The following CFAP161 variants were observed in gnomAD, a reference collection of about 807,000 sequenced individuals.
CFAP161 encodes cilia- and flagella-associated protein 161.
Under a neutral mutation model 29.0 loss-of-function variants are expected in CFAP161, and 25 were observed. The observed-to-expected ratio is 0.86, with a 90% CI of 0.63 to 1.20. CFAP161 has a LOEUF of 1.20. Ranked by LOEUF, CFAP161 falls within the 50% of genes most tolerant of loss-of-function variation. The pLI is 0.00. For synonymous variants in CFAP161, 116 were observed against 137.4 expected, an observed-to-expected ratio of 0.84 and a Z score of 1.09; for missense variants, 367 against 371.9, an observed-to-expected ratio of 0.99 and a Z score of 0.11.
At chr15:81,141,688 CT>C (rs111423310) in intron 4 of CFAP161, among the ~76,000 whole-genome samples, 2,766 of 139,842 alleles carry the variant, frequency 0.02, 51 homozygotes, top group African/African-American at 0.057. Context: ...TAGTATTTGC[CT>C]TTTTTTTTTT....
At chr15:81,123,638 C>T (rs770690851) in intron 1 of CFAP161, among the ~76,000 whole-genome samples, 24 of 152,158 alleles carry the variant, frequency 1.6e-4, no homozygotes, top group Non-Finnish European at 3.4e-4. Context: ...GCAGTATGGC[C>T]ATTTTGATGA....
rs759629889 is a variant in CFAP161 at position 81,138,047 on chromosome 15, A to G, written c.393-4A>G. ...TTTACATTATACTTATTGTCCACTG[A>G]CAGTGTACACAGAGATGCCACTGGT... is the stretch of plus-strand genomic sequence containing the variant. On this transcript the variant is annotated splice_region_variant and splice_polypyrimidine_tract_variant and intron_variant, in intron 3 of 6. Transcript: ENST00000286732. The G allele has an allele frequency of 6.9e-6, 11 of 1,586,620 alleles. No individual in the cohort carries two copies. In the South Asian group the frequency reaches 1.0e-4, roughly 14 times the overall value.
chr15:81,128,552 T>C (rs1220597102), intron 2 of CFAP161, among the ~76,000 whole-genome samples: 1 of 152,228 alleles, frequency 6.6e-6, no homozygotes, highest in African/African-American at 2.4e-5. Context: ...GGCTCCATTT[T>C]TAATTCTAGT....
chr15:81,145,533 G>GT (rs1567160822), intron 5 of CFAP161, among the ~76,000 whole-genome samples: 1 of 152,116 alleles, frequency 6.6e-6, no homozygotes, highest in African/African-American at 2.4e-5. Context: ...ATTGTTGCTG[G>GT]TTTTTTTAAG....
chr15:81,120,770 A>AG (rs1567153319), intron 1 of CFAP161, among the ~76,000 whole-genome samples: 1 of 152,032 alleles, frequency 6.6e-6, no homozygotes, highest in African/African-American at 2.4e-5. Flanking sequence ...ACTTATATAA[A>AG]TCTGAGAAGT....
intron 5 of CFAP161, among the ~76,000 whole-genome samples, chr15:81,144,801 A>G: frequency 6.7e-6 from 1 of 149,178 alleles, no homozygotes; most frequent in Non-Finnish European, 1.5e-5. Context: ...AAAAAAAAAG[A>G]AAGAAAAAGA....
upstream of CFAP161, chr15:81,134,155 C>T (rs1894764563): frequency 4.6e-6 from 3 of 653,698 alleles, no homozygotes; most frequent in Non-Finnish European, 7.7e-6. Flanking sequence ...GGGCCACAGA[C>T]AGCCGCTGAC....
At chr15:81,103,015 T>G (rs1292579626) in intron 1 of CFAP161, among the ~76,000 whole-genome samples, 1 of 152,062 alleles carries the variant, frequency 6.6e-6, no homozygotes, top group East Asian at 1.9e-4. Flanking sequence ...AGACCAAATA[T>G]CTTAGCCTCA....
At chr15:81,140,045 G>A (rs760118751) in intron 4 of CFAP161, among the ~76,000 whole-genome samples, 1 of 151,058 alleles carries the variant, frequency 6.6e-6, no homozygotes, top group Non-Finnish European at 1.5e-5. Flanking sequence ...TTTCTCTCTC[G>A]CTTCTTTTTT....
chr15:81,105,106 CT>C (rs1170585682), intron 1 of CFAP161, among the ~76,000 whole-genome samples: 7 of 68,898 alleles, frequency 1.0e-4, no homozygotes, highest in South Asian at 7.0e-4. Flanking sequence ...CCCTCCCTCC[CT>C]TCCTTTCTCC....
chr15:81,105,869 T>A (rs11855076), intron 1 of CFAP161, among the ~76,000 whole-genome samples: 13,631 of 151,936 alleles, frequency 0.09, 1,707 homozygotes, highest in African/African-American at 0.29. Context: ...GTCCCAGGAG[T>A]GTGAAAAAGA....
intron 1 of CFAP161, chr15:81,118,422 C>T: frequency 4.8e-6 from 1 of 209,518 alleles, no homozygotes; most frequent in South Asian, 8.1e-5. Context: ...CACAAGTTCG[C>T]GGCTTGTTAA....
chr15:81,135,546 C>T (rs1411575429), intron 2 of CFAP161, among the ~76,000 whole-genome samples, 187 bp downstream of exon 2: 6 of 134,498 alleles, frequency 4.5e-5, no homozygotes, highest in East Asian at 4.8e-4. Context: ...CCCCAGTGTG[C>T]GATGTTCCCC....
Position 81,148,455 on chromosome 15 carries a change from C to T in CFAP161, c.828C>T (p.Ser276=), listed in dbSNP as rs763485621. The change falls in exon 7 of 7, where the codon TCC becomes TCT. Residue 276 remains serine, a synonymous_variant. Coordinates refer to ENST00000286732, the MANE Select transcript of CFAP161 (RefSeq NM_173528.4). The part of the protein sequence containing the change: ...LVTGNPRDAS[S]SMLDLPKPPT... ...CTGGGAATCCCAGGGATGCCTCGTC[C>T]TCCATGTTGGATCTGCCCAAACCAC... The T allele has an allele frequency of 6.2e-7, 1 of 1,614,222 alleles. No homozygotes were observed. Among genetic ancestry groups the T allele is most frequent in the East Asian group, 2.2e-5 (1 of 44,886 alleles).
rs3086710 is a variant in CFAP161 at position 81,146,831 on chromosome 15, A to AATATATATAT, written c.637-984_637-975dup. Among the ~76,000 whole-genome samples, 183 of 70,476 alleles carry AATATATATAT rather than the reference A, an allele frequency of 2.6e-3. 3 individuals carry two copies. The highest frequency in any genetic ancestry group is 4.6e-3 in the Non-Finnish European group (129 of 27,974). The allele number at this position is 70,476 out of a possible 152,430, so 46.2% of individuals were successfully genotyped here. A position where few individuals can be genotyped will look rare whatever the true frequency, so the allele number is the denominator to read the frequency against. On this transcript the variant is annotated intron_variant, in intron 5 of 6. Transcript: ENST00000286732. ...TTTGCTCTTAAATAGGATAGCTACA[A>AATATATATAT]ATATATATATATATATATATATATA...
chr15:81,145,675 A>C (rs1358862527), intron 5 of CFAP161, among the ~76,000 whole-genome samples: 1 of 152,132 alleles, frequency 6.6e-6, no homozygotes, highest in African/African-American at 2.4e-5. Flanking sequence ...GGGAAACCCC[A>C]AACCTGTCTG....
intron 1 of CFAP161, among the ~76,000 whole-genome samples, chr15:81,103,141 C>A (rs1417792190): frequency 1.3e-5 from 2 of 152,134 alleles, no homozygotes; most frequent in Non-Finnish European, 2.9e-5. Flanking sequence ...GCACTGCTCA[C>A]GTCAAATTTA....
chr15:81,138,136 G>T lies in CFAP161; in HGVS notation c.477+1G>T. The T allele has an allele frequency of 6.2e-7, 1 of 1,605,010 alleles. No homozygotes were observed. The highest frequency in any genetic ancestry group is 8.5e-7 in the Non-Finnish European group (1 of 1,171,712). On this transcript the variant is annotated splice_donor_variant, in intron 4 of 6. Transcript: ENST00000286732. LOFTEE classifies it high-confidence loss of function. ...AACAGGAGGATTTGACAACAAAATG[G>T]TGAGTTATCACTTTGCATATCTACT...
chr15:81,112,833 A>G (rs1258701542), intron 1 of CFAP161, among the ~76,000 whole-genome samples: 1 of 152,214 alleles, frequency 6.6e-6, no homozygotes, highest in Admixed American at 6.5e-5. Flanking sequence ...GTTTTCTAGT[A>G]TATAGCTAGT....
Sources: gnomAD v4.1 joint callset for allele counts (sites outside exome capture counted in the v4.1 genomes callset) on GRCh38, gnomAD v4.1.1 for gene constraint, MANE v1.5 for transcripts, NCBI Gene and HGNC (gene_info 2026-07-23, HGNC 2026-07-21) for gene names.